PKHD1L1: variants seen among roughly 807,000 people sequenced by gnomAD.
PKHD1L1 encodes PKHD1 like 1, also known as fibrocystin-L.
In PKHD1L1, 434 loss-of-function variants were observed where a neutral mutation model predicts 462.9. That is an observed-to-expected ratio of 0.94 (90% confidence interval 0.87 to 1.02). The LOEUF (loss-of-function observed/expected upper bound fraction) is 1.02. PKHD1L1 is among the 50% of genes least tolerant of loss of function. The probability of loss-of-function intolerance (pLI) is 0.00; values close to 1 mark genes in which losing one functional copy is unlikely to be tolerated. For synonymous variants in PKHD1L1, 1,781 were observed against 1,750.0 expected (o/e 1.02, Z -0.44); for missense variants, 5,202 against 5,096.1 (o/e 1.02, Z -0.63).
At chr8:109,526,008 T>C (rs1820796965) in intron 76 of PKHD1L1, among the ~76,000 whole-genome samples, 1 of 152,206 alleles carries the variant, frequency 6.6e-6, no homozygotes, top group Non-Finnish European at 1.5e-5. Context: ...TTAGAAATGC[T>C]ATTCTGTGTG....
intron 47 of PKHD1L1, 150 bp from the exon 48 acceptor site, chr8:109,461,622 A>G: frequency 1.2e-6 from 1 of 826,502 alleles, no homozygotes; most frequent in Non-Finnish European, 1.8e-6. Flanking sequence ...TGCTATCTAA[A>G]AGAGGAAATG....
intron 27 of PKHD1L1, among the ~76,000 whole-genome samples, chr8:109,431,592 T>A (rs1458124435): frequency 6.6e-6 from 1 of 152,192 alleles, no homozygotes; most frequent in Admixed American, 6.5e-5. Flanking sequence ...AATATTACAA[T>A]GTAAATGTTA....
Position 109,507,706 on chromosome 8 carries a change from A to G in PKHD1L1, c.11038A>G (p.Lys3680Glu), listed in dbSNP as rs1289931847. The G allele has an allele frequency of 6.2e-7, 1 of 1,613,490 alleles. No homozygotes were observed. The highest frequency in any genetic ancestry group is 8.5e-7 in the Non-Finnish European group (1 of 1,179,626). The stretch of plus-strand genomic sequence containing the variant: ...TTGTGTAGACATGGTTTGTGATGCC[A>G]AGAGGAAATCTTTTCTTAGAGACAT... ...SDCVDMVCDAKRKSFLRDIDG... is the reference protein window; with the variant it reads ...SDCVDMVCDAERKSFLRDIDG... Residue 3680 changes from lysine (K) to glutamate (E), a missense_variant, in exon 69 of 78, where the codon AAG (lysine) becomes GAG (glutamate). Around this residue, in one of 3 missense-constraint regions of PKHD1L1, gnomAD observed 698 missense variants for 736.3 expected, o/e 0.95. Coordinates refer to ENST00000378402, the MANE Select transcript of PKHD1L1 (RefSeq NM_177531.6).
At chr8:109,473,537 A>G (rs1817833777) in intron 50 of PKHD1L1, among the ~76,000 whole-genome samples, 1 of 151,784 alleles carries the variant, frequency 6.6e-6, no homozygotes, top group African/African-American at 2.4e-5. Flanking sequence ...AAAAGAAAAG[A>G]AAAAGAAAGA....
In PKHD1L1 at chr8:109,448,564, T is replaced by A. The variant is rs184423478; in HGVS notation, c.6025+173T>A. 3.8e-3 allele frequency among the ~76,000 whole-genome samples: 568 copies of A among 151,084 alleles called. 2 individuals are homozygous for A. The highest frequency in any genetic ancestry group is 0.013 in the African/African-American group (545 of 41,202). On this transcript the variant is annotated intron_variant, in intron 39 of 77. Transcript: ENST00000378402. ...TCTCGCTCGGTCGCCCAGGCTGGAG[T>A]GCAGTGGCGCGATCTTGGCTCATTG...
chr8:109,419,280 C>T lies in PKHD1L1; in HGVS notation c.2524+20C>T, dbSNP rs1395959127. 2 of 1,546,864 alleles carry T rather than the reference C, an allele frequency of 1.3e-6. No individual in the cohort carries two copies. The highest frequency in any genetic ancestry group is 8.8e-7 in the Non-Finnish European group (1 of 1,140,124). Reference sequence around the variant, plus strand: ...TGGATGGTATGTTGTATCATTTTATCTCTGCTTTAATCTAAATATAGTAAA... The same window carrying T: ...TGGATGGTATGTTGTATCATTTTATTTCTGCTTTAATCTAAATATAGTAAA... On this transcript the variant is annotated intron_variant, in intron 22 of 77. Coordinates refer to ENST00000378402, the MANE Select transcript of PKHD1L1 (RefSeq NM_177531.6).
At chr8:109,462,022 G>A (rs773762442) in intron 48 of PKHD1L1, 114 bp downstream of exon 48, 1 of 1,258,700 alleles carries the variant, frequency 7.9e-7, no homozygotes, top group Non-Finnish European at 1.1e-6. Flanking sequence ...AGGGGAGACA[G>A]ATACATAAGT....
intron 11 of PKHD1L1, among the ~76,000 whole-genome samples, chr8:109,398,057 T>C (rs1219049439): frequency 6.6e-6 from 1 of 152,196 alleles, no homozygotes; most frequent in Non-Finnish European, 1.5e-5. Flanking sequence ...AGCACTTTTT[T>C]CTACTGAAGA....
At chr8:109,413,399 T>A in intron 20 of PKHD1L1, 22 bp from the exon 21 acceptor site, 3 of 1,439,418 alleles carry the variant, frequency 2.1e-6, no homozygotes, top group Non-Finnish European at 2.8e-6. Flanking sequence ...TTGTTACCAA[T>A]GTTTTTCATA....
At chr8:109,525,888 T>C (rs2131042756) in intron 76 of PKHD1L1, among the ~76,000 whole-genome samples, 1 of 152,290 alleles carries the variant, frequency 6.6e-6, no homozygotes, top group Non-Finnish European at 1.5e-5. Flanking sequence ...ACCACAGATG[T>C]GATCAAGATC....
At chr8:109,480,208 A>T in intron 55 of PKHD1L1, 69 bp downstream of exon 55, 1 of 1,452,488 alleles carries the variant, frequency 6.9e-7, no homozygotes, top group Non-Finnish European at 9.2e-7. Flanking sequence ...TACTCAAATA[A>T]TAAGAAAGAA....
rs369467596 is a variant in PKHD1L1, at chr8:109,371,111, C to G, written c.163+6475C>G. Reference sequence around the variant, plus strand: ...TCCGCAATGGTTGAACTAGTTTACACTCCCACCAACAGTGTAAAAGTGTTC... The same window carrying G: ...TCCGCAATGGTTGAACTAGTTTACAGTCCCACCAACAGTGTAAAAGTGTTC... On this transcript the variant is annotated intron_variant, in intron 2 of 77. Coordinates refer to ENST00000378402, the MANE Select transcript of PKHD1L1 (RefSeq NM_177531.6). Among the ~76,000 whole-genome samples, 24 of 152,298 alleles carry G rather than the reference C, an allele frequency of 1.6e-4. No homozygotes were observed. The East Asian group carries it at 1.7e-3, about 11-fold the overall frequency.
At chr8:109,511,843 C>T (rs1397055232) in intron 71 of PKHD1L1, among the ~76,000 whole-genome samples, 1 of 152,148 alleles carries the variant, frequency 6.6e-6, no homozygotes, top group African/African-American at 2.4e-5. Flanking sequence ...TCTCCACAAC[C>T]TCTCCAGCAC....
rs1821132471 is a variant in PKHD1L1 at position 109,535,818 on chromosome 8, G to A, written c.*5728G>A. Among the ~76,000 whole-genome samples the A allele has an allele frequency of 6.6e-6, 1 of 152,150 alleles. No individual in the cohort carries two copies. The highest frequency in any genetic ancestry group is 2.4e-5 in the African/African-American group (1 of 41,418). On this transcript the variant is annotated 3_prime_UTR_variant, in exon 78 of 78. Coordinates refer to ENST00000378402, the MANE Select transcript of PKHD1L1 (RefSeq NM_177531.6). ...GATATCCAGATGTGCTGAAATGATG[G>A]ACACTGAGAAGAAAGAATAGACAAA...
chr8:109,395,204 A>T (rs1028408271), intron 10 of PKHD1L1, among the ~76,000 whole-genome samples: 17 of 152,238 alleles, frequency 1.1e-4, no homozygotes, highest in Admixed American at 6.5e-4. Flanking sequence ...AGACCATTTA[A>T]GCTGTCTGAG....
At chr8:109,447,389 T>C (rs1313104841) in intron 38 of PKHD1L1, among the ~76,000 whole-genome samples, 2 of 152,230 alleles carry the variant, frequency 1.3e-5, no homozygotes, top group African/African-American at 4.8e-5. Flanking sequence ...ATCAAATTAC[T>C]ACTTGAGGGC....
Position 109,518,269 on chromosome 8 carries a change from A to G in PKHD1L1, c.11792A>G (p.Glu3931Gly), listed in dbSNP as rs1223943724. 6.2e-7 allele frequency: 1 copy of G among 1,611,360 alleles called. No individual in the cohort carries two copies. The highest frequency in any genetic ancestry group is 1.3e-5 in the African/African-American group (1 of 74,964). Residue 3931 changes from glutamate to glycine, a missense_variant, in exon 73 of 78, where the codon GAA becomes GGA. Transcript: ENST00000378402. ...TTGGTTAAAGGAACTATACCTGTTG[A>G]AATTCACACTGCCACAGTGATATTT... Reference protein sequence around the residue: ...YLLVKGTIPVEIHTATVIFVS... With the variant: ...YLLVKGTIPVGIHTATVIFVS...
chr8:109,413,150 T>A (rs1813948245), intron 20 of PKHD1L1, among the ~76,000 whole-genome samples: 1 of 152,126 alleles, frequency 6.6e-6, no homozygotes, highest in Admixed American at 6.5e-5. Flanking sequence ...AGAGAGTGAA[T>A]TGTTTCCAGT....
intron 21 of PKHD1L1, among the ~76,000 whole-genome samples, chr8:109,418,829 G>C (rs6469260): frequency 0.57 from 86,702 of 151,998 alleles, 24,980 homozygotes; most frequent in South Asian, 0.69. Context: ...TGTTGTTACA[G>C]AATGTTATTT....
Sources: gnomAD v4.1 joint callset for allele counts (sites outside exome capture counted in the v4.1 genomes callset) on GRCh38, gnomAD v4.1.1 for gene constraint, gnomAD v4.1.1 regional missense constraint, MANE v1.5 for transcripts, NCBI Gene and HGNC (gene_info 2026-07-23, HGNC 2026-07-21) for gene names.